MAST4: variants seen among roughly 807,000 people sequenced by gnomAD.
MAST4 encodes the protein microtubule-associated serine/threonine-protein kinase 4.
A neutral mutation model predicts 162.7 loss-of-function variants in MAST4; 89 were observed. The ratio of observed to expected loss-of-function variants is 0.55; its 90% CI spans 0.46 to 0.65. The LOEUF (loss-of-function observed/expected upper bound fraction) is 0.65. Ranked by LOEUF, MAST4 falls within the 30% of genes least tolerant of loss-of-function variation. The pLI is 0.00. For missense variants in MAST4, 3,153 were observed against 3,374.0 expected, an observed-to-expected ratio of 0.93 and a Z score of 1.62; for synonymous variants, 1,479 against 1,361.1, an observed-to-expected ratio of 1.09 and a Z score of -1.91.
chr5:67,166,391 G>C lies in MAST4; in HGVS notation c.7212G>C (p.Glu2404Asp). The change falls in exon 29 of 29, where the codon GAG becomes GAC. Residue 2404 changes from glutamate (E) to aspartate (D), a missense_variant. Coordinates refer to ENST00000403625, the MANE Select transcript of MAST4 (RefSeq NM_001164664.2). Reference protein sequence around the residue: ...VHSENRLKGAERPAAGVGKGF... With the variant: ...VHSENRLKGADRPAAGVGKGF... ...GCGAGAACCGGTTGAAAGGCGCGGA[G>C]CGGCCAGCCGCGGGGGTGGGGAAGG... 6.2e-7 allele frequency: 1 copy of C among 1,610,494 alleles called. No homozygotes were observed. Among genetic ancestry groups the C allele is most frequent in the Non-Finnish European group, 8.5e-7 (1 of 1,178,314 alleles).
intron 4 of MAST4, among the ~76,000 whole-genome samples, chr5:66,977,448 A>G (rs549736172): frequency 1.3e-5 from 2 of 152,228 alleles, no homozygotes; most frequent in Non-Finnish European, 2.9e-5. Flanking sequence ...TTGAGAAAGT[A>G]GAAAAAGCAG....
intron 1 of MAST4, among the ~76,000 whole-genome samples, chr5:66,693,689 C>A (rs952967003): frequency 1.3e-5 from 2 of 152,220 alleles, no homozygotes; most frequent in African/African-American, 4.8e-5. Context: ...TATCAAATGT[C>A]TTAAGATTAT....
intron 5 of MAST4, among the ~76,000 whole-genome samples, chr5:67,066,115 T>A (rs1760198818): frequency 6.6e-6 from 1 of 152,168 alleles, no homozygotes; most frequent in Non-Finnish European, 1.5e-5. Flanking sequence ...AGATGAATTT[T>A]GCTTGAAAAA....
At chr5:66,676,520 C>A (rs148545956) in intron 1 of MAST4, among the ~76,000 whole-genome samples, 1 of 152,152 alleles carries the variant, frequency 6.6e-6, no homozygotes, top group Non-Finnish European at 1.5e-5. Context: ...GTGAAAGACT[C>A]AGAATAGCTT....
chr5:66,777,020 C>T (rs1020117661), intron 2 of MAST4, among the ~76,000 whole-genome samples: 1 of 152,170 alleles, frequency 6.6e-6, no homozygotes, highest in Non-Finnish European at 1.5e-5. Context: ...ATTCTGTGTT[C>T]AGTTTTGTGC....
At chr5:67,029,787 T>C (rs1010941276) in intron 4 of MAST4, among the ~76,000 whole-genome samples, 1 of 152,152 alleles carries the variant, frequency 6.6e-6, no homozygotes, top group African/African-American at 2.4e-5. Flanking sequence ...CATTTCCTCA[T>C]GTGAAAAAGG....
intron 3 of MAST4, among the ~76,000 whole-genome samples, chr5:66,826,704 C>A (rs1217925754): frequency 6.6e-6 from 1 of 151,908 alleles, no homozygotes; most frequent in Non-Finnish European, 1.5e-5. Flanking sequence ...AGATTGTAGT[C>A]CTCAGAGTAG....
At chr5:66,956,015 G>T (rs1325503378) in intron 4 of MAST4, among the ~76,000 whole-genome samples, 1 of 151,578 alleles carries the variant, frequency 6.6e-6, no homozygotes, top group African/African-American at 2.4e-5. Context: ...TAAAGACAGG[G>T]TCTTGCTATG....
In MAST4 at chr5:66,596,912, T is replaced by C; in HGVS notation, c.257T>C (p.Val86Ala). ...RAPAAWAPAS[V>A]LLERGVLALP... ...CCCGCCGCGTGGGCTCCGGCAAGCG[T>C]GCTGCTGGAGCGCGGAGTCCTTGCG... is the stretch of plus-strand genomic sequence containing the variant. The change falls in exon 1 of 29, where the codon GTG becomes GCG. Residue 86 changes from valine (V) to alanine (A), a missense_variant. This residue lies in a region of MAST4 where 327 missense variants were observed against 336.5 expected (regional missense o/e 0.97). Coordinates refer to ENST00000403625, the MANE Select transcript of MAST4 (RefSeq NM_001164664.2). 7.7e-7 allele frequency: 1 copy of C among 1,298,604 alleles called. No individual in the cohort carries two copies. The highest frequency in any genetic ancestry group is 9.8e-7 in the Non-Finnish European group (1 of 1,023,236). The allele number at this position is 1,298,604 out of a possible 1,614,324, so 80.4% of individuals were successfully genotyped here. A position where few individuals can be genotyped will look rare whatever the true frequency, so the allele number is the denominator to read the frequency against.
intron 2 of MAST4, among the ~76,000 whole-genome samples, chr5:66,771,877 T>C (rs1465918601): frequency 6.6e-6 from 1 of 152,148 alleles, no homozygotes; most frequent in African/African-American, 2.4e-5. Flanking sequence ...AAACTCTCTT[T>C]TCCTCTGACA....
chr5:66,632,786 T>C (rs62362292), intron 1 of MAST4, among the ~76,000 whole-genome samples: 4,541 of 152,284 alleles, frequency 0.03, 137 homozygotes, highest in South Asian at 0.14. Context: ...AATTCAGGAA[T>C]TGTTGATAAG....
intron 1 of MAST4, among the ~76,000 whole-genome samples, chr5:66,609,896 T>C (rs1324562503): frequency 2.0e-5 from 3 of 151,960 alleles, no homozygotes; most frequent in Non-Finnish European, 4.4e-5. Context: ...TTGGCATATA[T>C]CTGTGCTTTA....
At position 66,626,598 on chromosome 5, in the gene MAST4, A is replaced by T. The variant is rs1744444881; in HGVS notation, c.363+29580A>T. Among the ~76,000 whole-genome samples the T allele has an allele frequency of 2.0e-5, 3 of 152,252 alleles. No homozygotes were observed. In the South Asian group the frequency reaches 6.2e-4, roughly 32 times the overall value. ...GCAAATTGTTTCCCAAATGCATTGCAAATTTATGACAGTTAAAGTGCAGTA... is the reference window on the plus strand; with the variant it reads ...GCAAATTGTTTCCCAAATGCATTGCTAATTTATGACAGTTAAAGTGCAGTA... On this transcript the variant is annotated intron_variant, in intron 1 of 28. Transcript: ENST00000403625.
At chr5:66,980,128 C>T (rs767120114) in intron 4 of MAST4, among the ~76,000 whole-genome samples, 22 of 152,128 alleles carry the variant, frequency 1.4e-4, no homozygotes, top group Non-Finnish European at 2.9e-4. Context: ...AATAGCTGGG[C>T]TGGGGGAGTA....
intron 3 of MAST4, among the ~76,000 whole-genome samples, chr5:66,876,820 G>A (rs1761332230): frequency 6.6e-6 from 1 of 152,176 alleles, no homozygotes; most frequent in South Asian, 2.1e-4. Flanking sequence ...GTTGTGGGTG[G>A]TTGGGTAAAT....
At chr5:66,722,018 A>G (rs1751241925) in intron 1 of MAST4, among the ~76,000 whole-genome samples, 1 of 151,976 alleles carries the variant, frequency 6.6e-6, no homozygotes, top group Non-Finnish European at 1.5e-5. Context: ...GTACTGCTGT[A>G]GTCTCCTAAG....
chr5:66,817,445 C>T (rs889328186), intron 3 of MAST4, among the ~76,000 whole-genome samples: 1 of 152,056 alleles, frequency 6.6e-6, no homozygotes, highest in Non-Finnish European at 1.5e-5. Flanking sequence ...GTCACAAAAG[C>T]CAGCTTTAGA....
intron 4 of MAST4, among the ~76,000 whole-genome samples, chr5:66,979,647 C>T (rs1303118631): frequency 3.9e-5 from 6 of 152,180 alleles, no homozygotes; most frequent in Non-Finnish European, 7.3e-5. Context: ...GTCGTTAATA[C>T]ATCAAACTGG....
At chr5:66,759,921 G>A in intron 2 of MAST4, 59 bp downstream of exon 2, 2 of 1,573,310 alleles carry the variant, frequency 1.3e-6, no homozygotes, top group Non-Finnish European at 1.7e-6. Flanking sequence ...GGTCCTGCAT[G>A]GCCCCAGAGT....
Sources: allele counts gnomAD v4.1 joint callset (sites outside exome capture counted in the v4.1 genomes callset), GRCh38; gene constraint gnomAD v4.1.1; regional missense constraint gnomAD v4.1.1; transcripts MANE v1.5; gene names NCBI Gene and HGNC (gene_info 2026-07-23, HGNC 2026-07-21).